LINS1: variants seen among roughly 807,000 people sequenced by gnomAD.
The protein encoded by LINS1 is lines homolog 1.
A neutral mutation model predicts 41.6 loss-of-function variants in LINS1; 27 were observed. The ratio of observed to expected loss-of-function variants is 0.65; its 90% CI spans 0.48 to 0.89. The LOEUF is 0.89. Among genes scored for constraint, LINS1 ranks in the 40% least tolerant of loss-of-function variants. LINS1 has a pLI of 0.00. For missense variants in LINS1, 955 were observed against 884.1 expected, an observed-to-expected ratio of 1.08 and a Z score of -1.02; for synonymous variants, 336 against 312.9, an observed-to-expected ratio of 1.07 and a Z score of -0.78.
At position 100,580,848 on chromosome 15, in the gene LINS1, C is replaced by G; in HGVS notation, c.-6G>C. On this transcript the variant is annotated 5_prime_UTR_variant, in exon 2 of 7. Transcript: ENST00000314742. Reference sequence around the variant, plus strand: ...ACTTCACAGAAAACTTTCATTTTGACTTCCAAAATGTATCTTATAAGAAGG... The same window carrying G: ...ACTTCACAGAAAACTTTCATTTTGAGTTCCAAAATGTATCTTATAAGAAGG... The G allele has an allele frequency of 1.2e-6, 2 of 1,609,640 alleles. No individual in the cohort carries two copies. The highest frequency in any genetic ancestry group is 1.7e-6 in the Non-Finnish European group (2 of 1,177,506).
intron 1 of LINS1, among the ~76,000 whole-genome samples, chr15:100,588,596 C>T (rs2038908950): frequency 6.6e-6 from 1 of 152,148 alleles, no homozygotes; most frequent in South Asian, 2.1e-4. Flanking sequence ...ATTATGTTGA[C>T]TAAATGCTTT....
chr15:100,572,374 T>C (rs764079982), intron 5 of LINS1: 1 of 1,180,150 alleles, frequency 8.5e-7, no homozygotes. Context: ...TAAAAGCAGA[T>C]AAATAAATGA....
chr15:100,579,350 CAA>C (rs1389780594), intron 3 of LINS1, among the ~76,000 whole-genome samples: 1 of 151,032 alleles, frequency 6.6e-6, no homozygotes, highest in Admixed American at 6.6e-5. Flanking sequence ...TTCAAGAAAG[CAA>C]AGACTGTGGC....
chr15:100,597,090 T>C (rs1173313124), intron 1 of LINS1, among the ~76,000 whole-genome samples: 1 of 152,158 alleles, frequency 6.6e-6, no homozygotes, highest in Admixed American at 6.5e-5. Context: ...TTTGAGCACA[T>C]CCAGGCTCCT....
chr15:100,573,260 C>T, intron 5 of LINS1: 4 of 531,006 alleles, frequency 7.5e-6, no homozygotes, highest in Non-Finnish European at 5.0e-6. Context: ...ATAGCATGGG[C>T]CGAAGGGGGG....
At chr15:100,582,869 C>T (rs1379022423) in intron 1 of LINS1, among the ~76,000 whole-genome samples, 2 of 148,602 alleles carry the variant, frequency 1.3e-5, no homozygotes, top group Admixed American at 6.7e-5. Context: ...TACACTGGGT[C>T]TTCCATCTAC....
intron 1 of LINS1, among the ~76,000 whole-genome samples, chr15:100,584,729 C>T (rs568809461): frequency 3.9e-5 from 6 of 152,290 alleles, no homozygotes; most frequent in Admixed American, 1.3e-4. Context: ...TGGGCGTCCT[C>T]CAATTCAATT....
intron 1 of LINS1, chr15:100,596,819 C>T (rs902823764): frequency 6.6e-6 from 1 of 152,154 alleles, no homozygotes; most frequent in Non-Finnish European, 1.5e-5. Flanking sequence ...CCAAGATGGC[C>T]AAAAACTTGA....
chr15:100,574,114 CAGGAAACACATCAGGATGTTTACT>C lies in LINS1; in HGVS notation c.735_758del (p.Ile245_Leu253delinsMet), dbSNP rs2141279764. 1.1e-5 allele frequency: 17 copies of C among 1,614,134 alleles called. No individual in the cohort carries two copies. Among genetic ancestry groups the C allele is most frequent in the Non-Finnish European group, 1.4e-5 (17 of 1,179,966 alleles). ...AGGCGATGAGAAGCTCAAGCAAATCCAGGAAACACATCAGGATGTTTACTATTTTAGAAGTATCCCGGCAGTTTT... is the reference window on the plus strand; with the variant it reads ...AGGCGATGAGAAGCTCAAGCAAATCCATTTTAGAAGTATCCCGGCAGTTTT... On this transcript the variant is annotated inframe_deletion, in exon 5 of 7. Transcript: ENST00000314742.
chr15:100,568,102 G>A lies in LINS1; in HGVS notation c.*1136C>T, dbSNP rs1252439020. On this transcript the variant is annotated 3_prime_UTR_variant, in exon 7 of 7. Coordinates refer to ENST00000314742, the MANE Select transcript of LINS1 (RefSeq NM_001040616.3). ...TTTACGGCTTCCCCTCAAGAATATG[G>A]AACATAATTATTCATGTCACAATTT... 2.6e-5 allele frequency: 4 copies of A among 151,872 alleles called. No homozygotes were observed. The highest frequency in any genetic ancestry group is 9.7e-5 in the African/African-American group (4 of 41,320). 9.4% of individuals were successfully genotyped at this position (151,872 alleles called of 1,614,324 possible).
chr15:100,589,858 CCA>C (rs1377389643), intron 1 of LINS1, among the ~76,000 whole-genome samples: 1 of 152,174 alleles, frequency 6.6e-6, no homozygotes, highest in African/African-American at 2.4e-5. Flanking sequence ...AGTCATTACG[CCA>C]CAGTGTATTT....
At chr15:100,579,037 AG>A (rs1329311536) in intron 3 of LINS1, among the ~76,000 whole-genome samples, 1 of 151,878 alleles carries the variant, frequency 6.6e-6, no homozygotes, top group Non-Finnish European at 1.5e-5. Context: ...GGGTAGGGGG[AG>A]GGGGAAGGGA....
rs2037605462 is a variant in LINS1 at position 100,567,689 on chromosome 15, C to G, written c.*1549G>C. 1 of 152,178 alleles carries G rather than the reference C, an allele frequency of 6.6e-6. No individual in the cohort carries two copies. The highest frequency in any genetic ancestry group is 1.5e-5 in the Non-Finnish European group (1 of 68,046). The allele number at this position is 152,178 out of a possible 1,614,324, so 9.4% of individuals were successfully genotyped here. A position where few individuals can be genotyped will look rare whatever the true frequency, so the allele number is the denominator to read the frequency against. The stretch of plus-strand genomic sequence containing the variant: ...CATTTTTTACAAACTATGTGGCATC[C>G]TTGAATACACATTCTTTGACGTGCT... On this transcript the variant is annotated 3_prime_UTR_variant, in exon 7 of 7. Coordinates refer to ENST00000314742, the MANE Select transcript of LINS1 (RefSeq NM_001040616.3).
At chr15:100,582,726 T>A (rs1405205199) in intron 1 of LINS1, among the ~76,000 whole-genome samples, 6 of 148,748 alleles carry the variant, frequency 4.0e-5, no homozygotes, top group African/African-American at 1.3e-4. Flanking sequence ...CTAGTCTTGG[T>A]CTTATACTGG....
At chr15:100,578,743 C>T (rs2038343438) in intron 3 of LINS1, among the ~76,000 whole-genome samples, 1 of 152,124 alleles carries the variant, frequency 6.6e-6, no homozygotes, top group African/African-American at 2.4e-5. Flanking sequence ...TATTGTGGCA[C>T]TACTCACAAT....
rs748971835 is a variant in LINS1 at position 100,576,975 on chromosome 15, AC to A, written c.490-1848del. On this transcript the variant is annotated intron_variant, in intron 3 of 6. Coordinates refer to ENST00000314742, the MANE Select transcript of LINS1 (RefSeq NM_001040616.3). The stretch of plus-strand genomic sequence containing the variant: ...AAAAGGCCTTTGACAAAATTCAACA[AC>A]CCTTCATGCTAAAAAACTCTCAATA... Among the ~76,000 whole-genome samples, 72 of 152,128 alleles carry A rather than the reference AC, an allele frequency of 4.7e-4. 1 individual carries two copies. The highest frequency in any genetic ancestry group is 7.8e-4 in the Non-Finnish European group (53 of 68,008).
At chr15:100,573,276 G>T in intron 5 of LINS1, 2 of 663,566 alleles carry the variant, frequency 3.0e-6, no homozygotes, top group Non-Finnish European at 3.9e-6. Context: ...GGGGGTCAGG[G>T]CTGCAGTGGG....
chr15:100,584,284 C>T (rs2038700543), intron 1 of LINS1, among the ~76,000 whole-genome samples: 1 of 152,124 alleles, frequency 6.6e-6, no homozygotes, highest in African/African-American at 2.4e-5. Flanking sequence ...AAAAATACTT[C>T]CAATAATATT....
intron 6 of LINS1, among the ~76,000 whole-genome samples, chr15:100,570,994 C>T (rs1326426293): frequency 1.3e-5 from 2 of 152,130 alleles, no homozygotes; most frequent in Non-Finnish European, 2.9e-5. Flanking sequence ...ACTTTGAGTA[C>T]AATTAAGATA....
Sources: allele counts gnomAD v4.1 joint callset (sites outside exome capture counted in the v4.1 genomes callset), GRCh38; gene constraint gnomAD v4.1.1; transcripts MANE v1.5; gene names NCBI Gene and HGNC (gene_info 2026-07-23, HGNC 2026-07-21).